The following SAMMSON variants were observed in gnomAD, a reference collection of about 807,000 sequenced individuals.
SAMMSON encodes long intergenic non-protein coding RNA 1212.
intron 4 of SAMMSON, among the ~76,000 whole-genome samples, chr3:70,133,107 T>C (rs1288502314): frequency 6.6e-6 from 1 of 152,168 alleles, no homozygotes; most frequent in Non-Finnish European, 1.5e-5. Context: ...TCTGAAGTGA[T>C]ATATCTTTTT....
rs138155095 is a variant in SAMMSON at position 70,052,615 on chromosome 3, T to C, written n.418-18861T>C. ...GTGGTAAGTGGAATTCTGGCATTAA[T>C]GTTATGTAACATATGCATATTTGCA... On this transcript the variant is annotated intron_variant and non_coding_transcript_variant, in intron 3 of 9. Coordinates refer to ENST00000642114, the Ensembl canonical transcript of SAMMSON. Among the ~76,000 whole-genome samples, 36 of 152,268 alleles carry C rather than the reference T, an allele frequency of 2.4e-4. 1 individual carries two copies. The highest frequency in any genetic ancestry group is 2.2e-3 in the Admixed American group (34 of 15,282).
intron 7 of SAMMSON, among the ~76,000 whole-genome samples, chr3:70,346,573 C>T (rs994274427): frequency 1.3e-5 from 2 of 151,986 alleles, no homozygotes; most frequent in African/African-American, 4.8e-5. Context: ...AAAGAGTTAT[C>T]CTAAATGTTT....
At chr3:70,085,582 C>G (rs1026215640) in intron 4 of SAMMSON, among the ~76,000 whole-genome samples, 1 of 152,170 alleles carries the variant, frequency 6.6e-6, no homozygotes, top group Non-Finnish European at 1.5e-5. Flanking sequence ...TTGGGGACCT[C>G]TTCTTGATAT....
At chr3:70,163,108 A>G (rs1207121385) in intron 4 of SAMMSON, among the ~76,000 whole-genome samples, 3 of 151,444 alleles carry the variant, frequency 2.0e-5, no homozygotes, top group Non-Finnish European at 3.0e-5. Context: ...GACAACCTCT[A>G]TCTTTTGATT....
chr3:70,113,800 G>T (rs528221167), intron 4 of SAMMSON, among the ~76,000 whole-genome samples: 2 of 152,276 alleles, frequency 1.3e-5, no homozygotes, highest in African/African-American at 4.8e-5. Context: ...GGTCTTGCGG[G>T]TGGGACCCCC....
intron 6 of SAMMSON, among the ~76,000 whole-genome samples, chr3:70,260,615 C>T (rs1006610993): frequency 1.3e-5 from 2 of 152,022 alleles, no homozygotes; most frequent in Non-Finnish European, 1.5e-5. Context: ...TTTCAGGTTC[C>T]CTAGTGGCTG....
At chr3:70,138,115 G>A (rs2067513446) in intron 4 of SAMMSON, among the ~76,000 whole-genome samples, 1 of 152,174 alleles carries the variant, frequency 6.6e-6, no homozygotes, top group African/African-American at 2.4e-5. Context: ...TTGGGAATGA[G>A]ATTCAAATGT....
rs150415789 is a variant in SAMMSON, at chr3:70,166,722, G to T, written n.508-82385G>T. Among the ~76,000 whole-genome samples, 148 of 151,984 alleles carry T rather than the reference G, an allele frequency of 9.7e-4. 1 individual carries two copies. In the East Asian group the frequency reaches 0.011, roughly 12 times the overall value. On this transcript the variant is annotated intron_variant and non_coding_transcript_variant, in intron 4 of 9. Transcript: ENST00000642114. Reference sequence around the variant, plus strand: ...AATGCTGAGTCCATACCTTCCAACTGAAAATTGCCTGTGACAATTTTCTTT... The same window carrying T: ...AATGCTGAGTCCATACCTTCCAACTTAAAATTGCCTGTGACAATTTTCTTT...
chr3:70,134,990 T>C (rs1276072856), intron 4 of SAMMSON, among the ~76,000 whole-genome samples: 3 of 152,196 alleles, frequency 2.0e-5, no homozygotes, highest in African/African-American at 7.2e-5. Flanking sequence ...AACCCAAATA[T>C]GAATTAGAAT....
At chr3:70,347,912 A>G (rs1026001742) in intron 7 of SAMMSON, among the ~76,000 whole-genome samples, 1 of 152,116 alleles carries the variant, frequency 6.6e-6, no homozygotes, top group Non-Finnish European at 1.5e-5. Flanking sequence ...GCGTGGTGGT[A>G]TATGCCTATA....
At chr3:70,296,862 T>C (rs988063541) in intron 7 of SAMMSON, among the ~76,000 whole-genome samples, 25 of 152,090 alleles carry the variant, frequency 1.6e-4, no homozygotes, top group Non-Finnish European at 2.8e-4. Flanking sequence ...ATGGCCTCTC[T>C]GTGCTTAGTG....
At chr3:70,009,495 A>T (rs536454618) in intron 1 of SAMMSON, among the ~76,000 whole-genome samples, 1 of 152,036 alleles carries the variant, frequency 6.6e-6, no homozygotes, top group Non-Finnish European at 1.5e-5. Flanking sequence ...CCCCTTTATC[A>T]TTTTTTATTG....
intron 7 of SAMMSON, among the ~76,000 whole-genome samples, chr3:70,337,015 ATTATTATTAT>A: frequency 7.1e-6 from 1 of 141,526 alleles, no homozygotes; most frequent in African/African-American, 2.5e-5. Context: ...CTAACTTAAT[ATTATTATTAT>A]TAATAATAAT....
chr3:70,282,889 C>G (rs1031778142), intron 6 of SAMMSON, among the ~76,000 whole-genome samples: 5 of 152,076 alleles, frequency 3.3e-5, no homozygotes, highest in Non-Finnish European at 7.4e-5. Context: ...ATGAATCTGC[C>G]AACATTCTCT....
chr3:70,272,510 G>A (rs1388299076), intron 6 of SAMMSON, among the ~76,000 whole-genome samples: 1 of 152,202 alleles, frequency 6.6e-6, no homozygotes, highest in African/African-American at 2.4e-5. Flanking sequence ...CTCCCCTGAT[G>A]GATGTTTGGA....
At chr3:70,045,589 T>C (rs1260190956) in intron 3 of SAMMSON, among the ~76,000 whole-genome samples, 1 of 151,996 alleles carries the variant, frequency 6.6e-6, no homozygotes, top group Admixed American at 6.6e-5. Context: ...TATTTGCTTC[T>C]TCCGCCCCCA....
At chr3:70,239,971 T>G (rs1701650491) in intron 4 of SAMMSON, among the ~76,000 whole-genome samples, 1 of 151,978 alleles carries the variant, frequency 6.6e-6, no homozygotes, top group Admixed American at 6.6e-5. Context: ...AGTAGTAAGC[T>G]TTGAAATTGA....
At chr3:70,383,631 C>T (rs911046623) in intron 9 of SAMMSON, among the ~76,000 whole-genome samples, 4 of 151,948 alleles carry the variant, frequency 2.6e-5, no homozygotes, top group Admixed American at 6.6e-5. Context: ...TTCATTTTCC[C>T]TCCCAAAAAC....
chr3:70,002,352 A>G (rs975837343), intron 1 of SAMMSON, among the ~76,000 whole-genome samples: 5 of 152,234 alleles, frequency 3.3e-5, no homozygotes, highest in Admixed American at 6.5e-5. Flanking sequence ...AATTAAAAAA[A>G]TTAATTACAG....
Sources: gnomAD v4.1 joint callset for allele counts (sites outside exome capture counted in the v4.1 genomes callset) on GRCh38, gnomAD v4.1.1 for gene constraint, MANE v1.5 for transcripts, NCBI Gene and HGNC (gene_info 2026-07-23, HGNC 2026-07-21) for gene names.